The following NIPAL2 variants were observed in gnomAD, a reference collection of about 807,000 sequenced individuals.
The protein encoded by NIPAL2 is NIPA like domain containing 2.
NIPAL2 carries 43 observed loss-of-function variants against 48.9 expected under a neutral mutation model. That is an observed-to-expected ratio of 0.88 (90% CI 0.69 to 1.13). The LOEUF (loss-of-function observed/expected upper bound fraction) is 1.13, where lower values mean the gene tolerates loss of function less well. Among genes scored for constraint, NIPAL2 ranks in the 50% most tolerant of loss-of-function variants. The pLI, the probability that NIPAL2 is intolerant of heterozygous loss-of-function variation, is 0.00. For synonymous variants in NIPAL2, 167 were observed against 174.6 expected, an observed-to-expected ratio of 0.96 and a Z score of 0.34; for missense variants, 446 against 461.4, an observed-to-expected ratio of 0.97 and a Z score of 0.31.
chr8:98,218,758 G>C (rs898605741), intron 5 of NIPAL2, among the ~76,000 whole-genome samples: 1 of 152,154 alleles, frequency 6.6e-6, no homozygotes, highest in African/African-American at 2.4e-5. Flanking sequence ...TGCCCATGAG[G>C]GTGAGTTTTC....
In NIPAL2 at chr8:98,252,583, T is replaced by C. The variant is rs200554195; in HGVS notation, c.256A>G (p.Lys86Glu). 3.8e-5 allele frequency: 62 copies of C among 1,613,832 alleles called. No homozygotes were observed. Among genetic ancestry groups the C allele is most frequent in the Non-Finnish European group, 5.1e-5 (60 of 1,180,004 alleles). Residue 86 changes from lysine to glutamate, a missense_variant, in exon 3 of 11, where the codon AAG (lysine) becomes GAG (glutamate). By Grantham distance (56) the Lys-to-Glu change is moderately conservative. Transcript: ENST00000430223. ...ACACCACCCCACCACAGCACACTCT[T>C]GAAGTATGGCCTTGGGTGCTCTTGT... The part of the protein sequence containing the change: ...AQQEHPRPYF[K>E]SVLWWGGVLL...
At chr8:98,276,302 G>GT (rs1182636423) in intron 1 of NIPAL2, among the ~76,000 whole-genome samples, 1 of 152,096 alleles carries the variant, frequency 6.6e-6, no homozygotes, top group Non-Finnish European at 1.5e-5. Context: ...TGTCTCTATA[G>GT]TTTTGTCTTT....
At chr8:98,259,070 C>CTTTTTTTTTTTTTTTTT (rs869220202) in intron 1 of NIPAL2, among the ~76,000 whole-genome samples, 3 of 41,870 alleles carry the variant, frequency 7.2e-5, no homozygotes, top group African/African-American at 3.3e-4. Context: ...TTAAATATTC[C>CTTTTTTTTTTTTTTTTT]TTTTTTTTTT....
chr8:98,195,664 G>A (rs1409928436), intron 9 of NIPAL2: 3 of 310,148 alleles, frequency 9.7e-6, no homozygotes, highest in East Asian at 1.0e-4. Flanking sequence ...CAGAAAGGTC[G>A]TGCAGTAACT....
chr8:98,284,848 C>G (rs1586489595), intron 1 of NIPAL2, among the ~76,000 whole-genome samples: 2 of 152,062 alleles, frequency 1.3e-5, no homozygotes, highest in Admixed American at 6.5e-5. Context: ...CTTGTCCTAC[C>G]TACTGAAGAG....
At chr8:98,211,709 A>AGT (rs950169791) in intron 6 of NIPAL2, among the ~76,000 whole-genome samples, 2 of 98,496 alleles carry the variant, frequency 2.0e-5, no homozygotes, top group African/African-American at 4.2e-5. Context: ...GGTATATATG[A>AGT]GTGAGAGAGA....
At position 98,276,924 on chromosome 8, in the gene NIPAL2, C is replaced by T. The variant is rs139902345; in HGVS notation, c.135+17079G>A. Among the ~76,000 whole-genome samples the T allele has an allele frequency of 8.5e-5, 13 of 152,230 alleles. No individual in the cohort carries two copies. In the East Asian group the frequency reaches 2.1e-3, roughly 25 times the overall value. Reference sequence around the variant, plus strand: ...AGTAGCTGGAACTAGTGCATGCCACCATGCTCGGCTAATTTTTGTATTCTT... The same window carrying T: ...AGTAGCTGGAACTAGTGCATGCCACTATGCTCGGCTAATTTTTGTATTCTT... On this transcript the variant is annotated intron_variant, in intron 1 of 10. Transcript: ENST00000430223.
intron 1 of NIPAL2, among the ~76,000 whole-genome samples, chr8:98,289,301 G>A (rs548955741): frequency 7.9e-5 from 12 of 152,044 alleles, no homozygotes; most frequent in South Asian, 4.2e-4. Flanking sequence ...GCATCAATGC[G>A]AATATTATAA....
intron 3 of NIPAL2, among the ~76,000 whole-genome samples, chr8:98,237,570 A>G (rs927026164): frequency 1.3e-5 from 2 of 152,132 alleles, no homozygotes; most frequent in Non-Finnish European, 2.9e-5. Context: ...TGGCTGGTCT[A>G]CAGGACAAAG....
At chr8:98,292,726 A>ATTTTT (rs11445213) in intron 1 of NIPAL2, among the ~76,000 whole-genome samples, 2 of 141,002 alleles carry the variant, frequency 1.4e-5, no homozygotes, top group African/African-American at 2.6e-5. Flanking sequence ...CTAACCCTCT[A>ATTTTT]TTTTTTTTTT....
At position 98,252,844 on chromosome 8, in the gene NIPAL2, AC is replaced by A. The variant is rs1322037966; in HGVS notation, c.205-211del. ...ATTTGTATAAACAAATATAGTAGTTACCCCCCGATCCACGGATTCATTTTCC... is the reference window on the plus strand; with the variant it reads ...ATTTGTATAAACAAATATAGTAGTTACCCCCGATCCACGGATTCATTTTCC... On this transcript the variant is annotated intron_variant, in intron 2 of 10. Transcript: ENST00000430223. 5.9e-5 allele frequency among the ~76,000 whole-genome samples: 9 copies of A among 152,066 alleles called. No individual in the cohort carries two copies. In the South Asian group the frequency reaches 1.9e-3, roughly 32 times the overall value.
intron 3 of NIPAL2, among the ~76,000 whole-genome samples, chr8:98,248,368 G>A (rs1004896164): frequency 4.5e-4 from 69 of 152,182 alleles, no homozygotes; most frequent in African/African-American, 1.5e-3. Flanking sequence ...TTATCTACAC[G>A]ATAATAATTA....
At chr8:98,277,625 G>A (rs1383172009) in intron 1 of NIPAL2, among the ~76,000 whole-genome samples, 2 of 152,102 alleles carry the variant, frequency 1.3e-5, no homozygotes, top group Non-Finnish European at 2.9e-5. Context: ...CCTCCCCACA[G>A]TCCATGGCAG....
chr8:98,292,693 C>T (rs1192639712), intron 1 of NIPAL2, among the ~76,000 whole-genome samples: 3 of 151,258 alleles, frequency 2.0e-5, no homozygotes, highest in Non-Finnish European at 4.4e-5. Flanking sequence ...AAACAATGTC[C>T]TGTTTTTGGA....
intron 5 of NIPAL2, chr8:98,217,423 G>A (rs1811632767): frequency 7.9e-6 from 6 of 761,962 alleles, no homozygotes; most frequent in Non-Finnish European, 9.6e-6. Flanking sequence ...AGTCCCGAAA[G>A]CCAATTCAGG....
intron 4 of NIPAL2, among the ~76,000 whole-genome samples, chr8:98,234,055 T>G (rs1812584938): frequency 6.6e-6 from 1 of 152,092 alleles, no homozygotes; most frequent in South Asian, 2.1e-4. Flanking sequence ...TTGGAGACAT[T>G]TTTGGTTGTC....
In NIPAL2 at chr8:98,194,734, T is replaced by G; in HGVS notation, c.1033A>C (p.Ile345Leu). ...AAAGAATATATGATTTTACCAGGAA[T>G]ATTTCCAAAATCAATATAAGACTGT... is the stretch of plus-strand genomic sequence containing the variant. The part of the protein sequence containing the change: ...LQQSYIDFGN[I>L]PGKQMLDKIQ... The change falls in exon 10 of 11, where the codon ATT becomes CTT. Residue 345 changes from isoleucine to leucine, a missense_variant. Physicochemically the swap from Ile to Leu is conservative, Grantham distance 5. Transcript: ENST00000430223. 6.5e-7 allele frequency: 1 copy of G among 1,540,854 alleles called. No individual in the cohort carries two copies. The highest frequency in any genetic ancestry group is 8.7e-7 in the Non-Finnish European group (1 of 1,144,196).
intron 6 of NIPAL2, among the ~76,000 whole-genome samples, chr8:98,207,530 C>T (rs1166743620): frequency 6.6e-6 from 1 of 151,978 alleles, no homozygotes; most frequent in South Asian, 2.1e-4. Context: ...TGAGAATAAA[C>T]TACATCAAGA....
Position 98,192,959 on chromosome 8 carries a change from C to G in NIPAL2, c.*19G>C, listed in dbSNP as rs1192210029. 1.3e-6 allele frequency: 2 copies of G among 1,505,674 alleles called. No homozygotes were observed. Among genetic ancestry groups the G allele is most frequent in the East Asian group, 2.3e-5 (1 of 44,382 alleles). 93.3% of individuals were successfully genotyped at this position (1,505,674 alleles called of 1,614,324 possible). Reference sequence around the variant, plus strand: ...AAGGTGGTATCGAATAACAGGCCAACAGCCATCCTTCTCAGCATTTAGACC... The same window carrying G: ...AAGGTGGTATCGAATAACAGGCCAAGAGCCATCCTTCTCAGCATTTAGACC... On this transcript the variant is annotated 3_prime_UTR_variant, in exon 11 of 11. Transcript: ENST00000430223.
Sources: gnomAD v4.1 joint callset for allele counts (sites outside exome capture counted in the v4.1 genomes callset) on GRCh38, gnomAD v4.1.1 for gene constraint, MANE v1.5 for transcripts, NCBI Gene and HGNC (gene_info 2026-07-23, HGNC 2026-07-21) for gene names.